ATP13A1: variants seen among roughly 807,000 people sequenced by gnomAD.
ATP13A1 encodes the protein endoplasmic reticulum transmembrane helix translocase.
A neutral mutation model predicts 134.8 loss-of-function variants in ATP13A1; 55 were observed. That is an observed-to-expected ratio of 0.41 (90% CI 0.33 to 0.51). The LOEUF (loss-of-function observed/expected upper bound fraction) is 0.51, where lower values mean the gene tolerates loss of function less well. Ranked by LOEUF, ATP13A1 falls within the 20% of genes least tolerant of loss-of-function variation. The pLI is 0.29. For missense variants in ATP13A1, 1,389 were observed against 1,652.8 expected (o/e 0.84, Z 2.77); for synonymous variants, 775 against 725.1 (o/e 1.07, Z -1.10).
chr19:19,659,060 G>A (rs2062077892), intron 3 of ATP13A1, among the ~76,000 whole-genome samples: 4 of 152,254 alleles, frequency 2.6e-5, no homozygotes, highest in Admixed American at 2.6e-4. Flanking sequence ...GCTTCCAGCT[G>A]CAGACCCTCT....
Position 19,647,369 on chromosome 19 carries a change from C to G in ATP13A1, c.2909-44G>C, listed in dbSNP as rs780514692. The G allele has an allele frequency of 7.5e-6, 12 of 1,604,998 alleles. No homozygotes were observed. The East Asian group carries it at 2.5e-4, about 33-fold the overall frequency. On this transcript the variant is annotated intron_variant, in intron 21 of 25. Coordinates refer to ENST00000357324, the MANE Select transcript of ATP13A1 (RefSeq NM_020410.3). The surrounding 1 kb of genome is among the most constrained non-coding windows in gnomAD (Gnocchi z 4.8). ...GCAGGTGTGGGTGTGGGTAGGGGTG[C>G]CAAGGGGGGAATGAAGGGAGGGGGA...
intron 1 of ATP13A1, among the ~76,000 whole-genome samples, chr19:19,660,797 A>G (rs2145021652): frequency 7.5e-6 from 1 of 133,290 alleles, no homozygotes; most frequent in East Asian, 2.3e-4. Context: ...CAAAATAAAA[A>G]GGCTGGGTGC....
intron 12 of ATP13A1, among the ~76,000 whole-genome samples, chr19:19,654,912 T>A (rs185203544): frequency 1.3e-5 from 2 of 152,274 alleles, no homozygotes; most frequent in Admixed American, 1.3e-4. Context: ...GCATGGCTGG[T>A]GTGGGATGTT....
chr19:19,652,221 C>A (rs149219806), intron 16 of ATP13A1, among the ~76,000 whole-genome samples: 4 of 152,108 alleles, frequency 2.6e-5, no homozygotes, highest in Admixed American at 6.6e-5. Flanking sequence ...AAAAGACACC[C>A]TAAGTCCCAA....
Position 19,646,708 on chromosome 19 carries a change from G to A in ATP13A1, c.3106-361C>T, listed in dbSNP as rs919404051. On this transcript the variant is annotated intron_variant, in intron 22 of 25. Transcript: ENST00000357324. Reference sequence around the variant, plus strand: ...GGACTCCCTGCGTCAGCCCATGCCTGTTTGGGGCCTTTGTGTCCAGTTCCT... The same window carrying A: ...GGACTCCCTGCGTCAGCCCATGCCTATTTGGGGCCTTTGTGTCCAGTTCCT... The A allele has an allele frequency of 5.1e-5, 20 of 391,166 alleles. 1 individual carries two copies. The highest frequency in any genetic ancestry group is 7.7e-5 in the Admixed American group (2 of 25,846). 24.2% of individuals were successfully genotyped at this position (391,166 alleles called of 1,614,324 possible).
chr19:19,662,235 C>CCGCAAA, intron 1 of ATP13A1: 1 of 1,508,070 alleles, frequency 6.6e-7, no homozygotes. Context: ...TGGTGTCTTT[C>CCGCAAA]ATTGTACTAC....
chr19:19,660,066 G>A (rs1354963196), intron 1 of ATP13A1, 79 bp from the exon 2 acceptor site: 10 of 1,224,306 alleles, frequency 8.2e-6, no homozygotes, highest in East Asian at 2.5e-5. Flanking sequence ...GGTTTTGGGT[G>A]CAGCAGCTCT....
rs1217067774 is a variant in ATP13A1 at position 19,655,430 on chromosome 19, G to A, written c.1420C>T (p.Arg474Cys). Reference sequence around the variant, plus strand: ...GTGCACTCCAGAAACAGCTTGTAGCGGTTCCGGCTGGGGTCCTTGGTACCT... The same window carrying A: ...GTGCACTCCAGAAACAGCTTGTAGCAGTTCCGGCTGGGGTCCTTGGTACCT... ...IEGTKDPSRN[R>C]YKLFLECTLI... Residue 474 changes from arginine (R) to cysteine (C), a missense_variant, in exon 11 of 26, where the codon CGC (arginine) becomes TGC (cysteine). Transcript: ENST00000357324. This position sits in a 1 kb window ranked among gnomAD's most constrained non-coding sequence, Gnocchi z 5.7. 6 of 1,613,974 alleles carry A rather than the reference G, an allele frequency of 3.7e-6. No individual in the cohort carries two copies. The highest frequency in any genetic ancestry group is 1.7e-5 in the Admixed American group (1 of 60,020).
chr19:19,650,383 G>A, intron 17 of ATP13A1: 1 of 179,276 alleles, frequency 5.6e-6, no homozygotes, highest in Admixed American at 5.4e-5. Flanking sequence ...CTCTGACAGG[G>A]CCCCTGAGTT....
Position 19,646,207 on chromosome 19 carries a change from C to G in ATP13A1, c.3246G>C (p.Glu1082Asp). Reference protein sequence around the residue: ...LYREAQARSPEKQEQFVDLYK... With the variant: ...LYREAQARSPDKQEQFVDLYK... Reference sequence around the variant, plus strand: ...ACCTCCTCCAAGGCAGCACTTACTTCTCGGGGCTCCGGGCCTGGGCCTCAC... The same window carrying G: ...ACCTCCTCCAAGGCAGCACTTACTTGTCGGGGCTCCGGGCCTGGGCCTCAC... Residue 1082 changes from glutamate (E) to aspartate (D), a missense_variant and splice_region_variant, in exon 23 of 26, where the codon GAG (glutamate) becomes GAC (aspartate). Around this residue, in one of 4 missense-constraint regions of ATP13A1, gnomAD observed 228 missense variants for 321.0 expected, o/e 0.71. Coordinates refer to ENST00000357324, the MANE Select transcript of ATP13A1 (RefSeq NM_020410.3). 1 of 1,613,726 alleles carries G rather than the reference C, an allele frequency of 6.2e-7. No individual in the cohort carries two copies. The highest frequency in any genetic ancestry group is 8.5e-7 in the Non-Finnish European group (1 of 1,179,762).
rs1466784013 is a variant in ATP13A1 at position 19,663,459 on chromosome 19, A to G, written c.208T>C (p.Phe70Leu). 1 of 1,547,892 alleles carries G rather than the reference A, an allele frequency of 6.5e-7. No homozygotes were observed. The highest frequency in any genetic ancestry group is 1.4e-5 in the African/African-American group (1 of 73,402). Residue 70 changes from phenylalanine to leucine, a missense_variant, in exon 1 of 26, where the codon TTC (phenylalanine) becomes CTC (leucine). By Grantham distance (22) the Phe-to-Leu change is conservative. Coordinates refer to ENST00000357324, the MANE Select transcript of ATP13A1 (RefSeq NM_020410.3). ...ALLRRLTVLP[F>L]AGLLYPAWLG... ...CAGGCCGGGTAAAGCAGCCCGGCGAATGGCAGCACCGTGAGGCGCCGCAAC... is the reference window on the plus strand; with the variant it reads ...CAGGCCGGGTAAAGCAGCCCGGCGAGTGGCAGCACCGTGAGGCGCCGCAAC...
At position 19,645,688 on chromosome 19, in the gene ATP13A1, C is replaced by A; in HGVS notation, c.3463G>T (p.Asp1155Tyr). The change falls in exon 25 of 26, where the codon GAC becomes TAC. Residue 1155 changes from aspartate to tyrosine, a missense_variant. Coordinates refer to ENST00000357324, the MANE Select transcript of ATP13A1 (RefSeq NM_020410.3). This position sits in a 1 kb window ranked among gnomAD's most constrained non-coding sequence, Gnocchi z 4.1. ...IIGLLLGSSP[D>Y]FNSQFGLVDI... ...ACGAGGCCAAACTGGCTGTTGAAGT[C>A]GGGCGAGGAGCCGAGGAGCAGGCCA... 1 of 1,576,812 alleles carries A rather than the reference C, an allele frequency of 6.3e-7. No individual in the cohort carries two copies. The highest frequency in any genetic ancestry group is 2.3e-5 in the East Asian group (1 of 42,792).
At position 19,659,944 on chromosome 19, in the gene ATP13A1, G is replaced by C; in HGVS notation, c.440C>G (p.Thr147Ser). 1 of 1,586,118 alleles carries C rather than the reference G, an allele frequency of 6.3e-7. No individual in the cohort carries two copies. The highest frequency in any genetic ancestry group is 8.6e-7 in the Non-Finnish European group (1 of 1,167,658). Residue 147 changes from threonine (T) to serine (S), a missense_variant, in exon 2 of 26, where the codon ACC becomes AGC. Thr to Ser is a moderately conservative substitution (Grantham distance 58). Transcript: ENST00000357324. ...GAGCTCCGTGGAGCCATTGTTGGGG[G>C]TTGGCACCACCTTCACAAAGGTCGC... Reference protein sequence around the residue: ...SKATFVKVVPTPNNGSTELVA... With the variant: ...SKATFVKVVPSPNNGSTELVA...
chr19:19,654,752 C>T, intron 12 of ATP13A1, 52 bp from the exon 13 acceptor site: 1 of 1,557,518 alleles, frequency 6.4e-7, no homozygotes, highest in South Asian at 1.2e-5. Flanking sequence ...TAGGGCGAAG[C>T]TGCATCCCCA....
intron 3 of ATP13A1, among the ~76,000 whole-genome samples, chr19:19,657,780 T>C (rs2062069049): frequency 6.6e-6 from 1 of 152,082 alleles, no homozygotes; most frequent in Admixed American, 6.5e-5. Context: ...ATGGAGGCCC[T>C]GAAGCTACAG....
rs1173628266 is a variant in ATP13A1 at position 19,647,188 on chromosome 19, G to A, written c.3046C>T (p.Gln1016Ter). 6.2e-7 allele frequency: 1 copy of A among 1,613,918 alleles called. No homozygotes were observed. The highest frequency in any genetic ancestry group is 8.5e-7 in the Non-Finnish European group (1 of 1,179,856). ...YLEGVKFSDF[Q>*]ATLQGLLLAG... The stretch of plus-strand genomic sequence containing the variant: ...AGCAGCAGCCCCTGTAGGGTGGCCT[G>A]GAAGTCACTGAACTTGACTCCCTCC... Residue 1016 changes from glutamine (Q) to a stop codon, truncating the protein, a stop_gained, in exon 22 of 26, where the codon CAG (glutamine) becomes TAG (stop). Coordinates refer to ENST00000357324, the MANE Select transcript of ATP13A1 (RefSeq NM_020410.3). LOFTEE classifies it high-confidence loss of function. The surrounding 1 kb of genome is among the most constrained non-coding windows in gnomAD (Gnocchi z 4.8).
chr19:19,657,702 G>A (rs1488722960), intron 3 of ATP13A1, among the ~76,000 whole-genome samples: 1 of 152,208 alleles, frequency 6.6e-6, no homozygotes. Context: ...CCTGGGGCTG[G>A]TGTCAGACGA....
Position 19,647,736 on chromosome 19 carries a change from G to C in ATP13A1, c.2656C>G (p.Pro886Ala), listed in dbSNP as rs766437544. 5 of 1,604,002 alleles carry C rather than the reference G, an allele frequency of 3.1e-6. No individual in the cohort carries two copies. In the South Asian group the frequency reaches 4.4e-5, roughly 14 times the overall value. ...DVGVALLANA[P>A]ERVVERRRRP... is the part of the protein sequence containing the mutation. ...CGTCGCCGCTCGACAACCCGCTCAG[G>C]GGCATTGGCCAAGAGCGCCACACCT... The change falls in exon 20 of 26, where the codon CCT becomes GCT. Residue 886 changes from proline to alanine, a missense_variant. Coordinates refer to ENST00000357324, the MANE Select transcript of ATP13A1 (RefSeq NM_020410.3). This position sits in a 1 kb window ranked among gnomAD's most constrained non-coding sequence, Gnocchi z 4.8.
At chr19:19,648,077 G>A (rs1242969476) in intron 19 of ATP13A1, among the ~76,000 whole-genome samples, 1 of 152,196 alleles carries the variant, frequency 6.6e-6, no homozygotes, top group Non-Finnish European at 1.5e-5. Flanking sequence ...TCAGCACTTT[G>A]GAAGGCTGAG....
Sources: gnomAD v4.1 joint callset for allele counts (sites outside exome capture counted in the v4.1 genomes callset) on GRCh38, gnomAD v4.1.1 for gene constraint, gnomAD v4.1.1 regional missense constraint, Gnocchi (gnomAD v3.1) non-coding constraint, MANE v1.5 for transcripts, NCBI Gene and HGNC (gene_info 2026-07-23, HGNC 2026-07-21) for gene names.